Variants in AGBL4 observed in about 807,000 individuals in gnomAD.
AGBL4 encodes the protein AGBL carboxypeptidase 4.
In AGBL4, 58 loss-of-function variants were observed where a neutral mutation model predicts 66.4. That is an observed-to-expected ratio of 0.87 (90% CI 0.71 to 1.09). The LOEUF is 1.09. Ranked by LOEUF, AGBL4 falls within the 50% of genes least tolerant of loss-of-function variation. The probability of loss-of-function intolerance (pLI) is 0.00; values close to 1 mark genes in which losing one functional copy is unlikely to be tolerated. For synonymous variants in AGBL4, 234 were observed against 222.9 expected, an observed-to-expected ratio of 1.05 and a Z score of -0.44; for missense variants, 579 against 631.0, an observed-to-expected ratio of 0.92 and a Z score of 0.88.
intron 6 of AGBL4, among the ~76,000 whole-genome samples, chr1:48,842,386 C>G (rs1646824955): frequency 6.6e-6 from 1 of 152,052 alleles, no homozygotes; most frequent in South Asian, 2.1e-4. Flanking sequence ...TGAAAACTAA[C>G]AGAATTAACA....
At chr1:48,605,933 G>A (rs1645148015) in intron 9 of AGBL4, among the ~76,000 whole-genome samples, 1 of 152,100 alleles carries the variant, frequency 6.6e-6, no homozygotes, top group African/African-American at 2.4e-5. Context: ...TACATCATAA[G>A]CAAAGCTGTA....
intron 3 of AGBL4, among the ~76,000 whole-genome samples, chr1:49,381,272 A>T (rs547607315): frequency 4.0e-4 from 61 of 151,454 alleles, no homozygotes; most frequent in African/African-American, 1.4e-3. Context: ...CCATCAGAGA[A>T]ATGCAAATCA....
intron 2 of AGBL4, among the ~76,000 whole-genome samples, chr1:49,813,694 A>G (rs1645162618): frequency 6.6e-6 from 1 of 152,198 alleles, no homozygotes; most frequent in Non-Finnish European, 1.5e-5. Flanking sequence ...GGGAGGTTAC[A>G]TTCCAGAGGG....
intron 1 of AGBL4, among the ~76,000 whole-genome samples, chr1:49,943,465 C>T (rs1198108801): frequency 6.6e-6 from 1 of 152,174 alleles, no homozygotes; most frequent in Non-Finnish European, 1.5e-5. Flanking sequence ...AGTGCCCAAA[C>T]TGTAAACGTG....
intron 9 of AGBL4, among the ~76,000 whole-genome samples, chr1:48,618,522 C>T (rs1645356476): frequency 6.6e-6 from 1 of 152,154 alleles, no homozygotes; most frequent in African/African-American, 2.4e-5. Flanking sequence ...TAGTTTGGAG[C>T]ACCTCTTTAG....
At chr1:49,141,999 G>T (rs762557461) in intron 4 of AGBL4, among the ~76,000 whole-genome samples, 2 of 152,004 alleles carry the variant, frequency 1.3e-5, no homozygotes, top group Non-Finnish European at 2.9e-5. Context: ...ACGAGGTGGT[G>T]GGGGGGTGGG....
chr1:48,779,272 C>T (rs573104115), intron 6 of AGBL4, among the ~76,000 whole-genome samples: 1 of 152,330 alleles, frequency 6.6e-6, no homozygotes, highest in East Asian at 1.9e-4. Context: ...AATCTCATCT[C>T]TTACTACCTT....
At chr1:49,231,726 TCTAA>T (rs1245170532) in intron 4 of AGBL4, among the ~76,000 whole-genome samples, 1 of 152,190 alleles carries the variant, frequency 6.6e-6, no homozygotes, top group East Asian at 1.9e-4. Flanking sequence ...ACAGACAGTC[TCTAA>T]CTTATGATGG....
chr1:49,745,570 C>T (rs1230694377), intron 2 of AGBL4, among the ~76,000 whole-genome samples: 1 of 151,646 alleles, frequency 6.6e-6, no homozygotes, highest in African/African-American at 2.4e-5. Flanking sequence ...GAAGACCACT[C>T]TATTAATATC....
intron 4 of AGBL4, among the ~76,000 whole-genome samples, chr1:49,183,047 T>G (rs1052360103): frequency 6.6e-6 from 1 of 152,154 alleles, no homozygotes; most frequent in East Asian, 1.9e-4. Flanking sequence ...CTGTCTTCTA[T>G]TCTACTAAAA....
intron 5 of AGBL4, among the ~76,000 whole-genome samples, chr1:49,022,580 T>A (rs1027047735): frequency 1.3e-5 from 2 of 152,082 alleles, no homozygotes; most frequent in East Asian, 3.9e-4. Context: ...ACTGCTATAA[T>A]GATAGCTTAT....
intron 3 of AGBL4, among the ~76,000 whole-genome samples, chr1:49,439,935 G>A (rs977361332): frequency 4.6e-4 from 70 of 152,186 alleles, no homozygotes; most frequent in African/African-American, 1.7e-3. Flanking sequence ...AGAGAACCCT[G>A]AGCAATACAG....
intron 4 of AGBL4, among the ~76,000 whole-genome samples, chr1:49,058,016 T>C (rs1401964310): frequency 6.6e-6 from 1 of 152,124 alleles, no homozygotes; most frequent in Non-Finnish European, 1.5e-5. Flanking sequence ...ATGGGTATTG[T>C]GGTGGAGGGG....
At chr1:49,742,324 C>G (rs992370019) in intron 2 of AGBL4, among the ~76,000 whole-genome samples, 11 of 152,004 alleles carry the variant, frequency 7.2e-5, no homozygotes, top group Non-Finnish European at 1.5e-4. Flanking sequence ...GAATAAAATA[C>G]CTAGGAATCC....
At chr1:49,832,823 T>G (rs951968601) in intron 2 of AGBL4, among the ~76,000 whole-genome samples, 3 of 152,306 alleles carry the variant, frequency 2.0e-5, no homozygotes, top group African/African-American at 7.2e-5. Flanking sequence ...TCATGTCCTT[T>G]GCCCACTTTT....
At chr1:49,392,314 T>C (rs998800658) in intron 3 of AGBL4, among the ~76,000 whole-genome samples, 23 of 152,242 alleles carry the variant, frequency 1.5e-4, no homozygotes, top group African/African-American at 5.5e-4. Context: ...GGGCATTAAG[T>C]AGTTGGATAT....
chr1:49,861,539 G>C (rs1005924456), intron 1 of AGBL4, among the ~76,000 whole-genome samples: 15 of 151,942 alleles, frequency 9.9e-5, no homozygotes, highest in African/African-American at 2.9e-4. Flanking sequence ...TTTTGTAGAG[G>C]AGCACCACCT....
chr1:49,741,949 G>C (rs939570183), intron 2 of AGBL4, among the ~76,000 whole-genome samples: 23 of 152,152 alleles, frequency 1.5e-4, no homozygotes, highest in Admixed American at 7.2e-4. Context: ...ATATCATACT[G>C]AATGGGCAAA....
At chr1:48,798,736 G>C (rs1200399626) in intron 6 of AGBL4, among the ~76,000 whole-genome samples, 1 of 152,148 alleles carries the variant, frequency 6.6e-6, no homozygotes, top group Non-Finnish European at 1.5e-5. Context: ...CATGTGGCTT[G>C]CCAATTATTC....
Sources: gnomAD v4.1 joint callset for allele counts (sites outside exome capture counted in the v4.1 genomes callset) on GRCh38, gnomAD v4.1.1 for gene constraint, MANE v1.5 for transcripts, NCBI Gene and HGNC (gene_info 2026-07-23, HGNC 2026-07-21) for gene names.